GNPTAB: variants seen among roughly 807,000 people sequenced by gnomAD.
GNPTAB encodes N-acetylglucosamine-1-phosphotransferase subunits alpha/beta.
GNPTAB carries 92 observed loss-of-function variants against 136.6 expected under a neutral mutation model. That is an observed-to-expected ratio of 0.67 (90% CI 0.57 to 0.80). The LOEUF (loss-of-function observed/expected upper bound fraction) is 0.80, where lower values mean the gene tolerates loss of function less well. GNPTAB is among the 30% of genes least tolerant of loss of function. The pLI is 0.00. For synonymous variants in GNPTAB, 512 were observed against 535.1 expected, an observed-to-expected ratio of 0.96 and a Z score of 0.60; for missense variants, 1,343 against 1,501.8, an observed-to-expected ratio of 0.89 and a Z score of 1.75.
chr12:101,761,743 T>G lies in GNPTAB; in HGVS notation c.2736A>C (p.Thr912=). Residue 912 remains threonine, a synonymous_variant, in exon 14 of 21, where the codon ACA becomes ACC. Transcript: ENST00000299314. The part of the protein sequence containing the change: ...DLLDEEESLK[T]QLAYFTDSKN... The stretch of plus-strand genomic sequence containing the variant: ...TGCTATCAGTGAAGTATGCCAATTG[T>G]GTCTTCAATGACTCTTCTTCCTGAA... 1 of 1,612,878 alleles carries G rather than the reference T, an allele frequency of 6.2e-7. No homozygotes were observed. The highest frequency in any genetic ancestry group is 1.1e-5 in the South Asian group (1 of 91,062).
chr12:101,757,122 G>A (rs2137106423), intron 18 of GNPTAB, 90 bp downstream of exon 18: 1 of 759,092 alleles, frequency 1.3e-6, no homozygotes, highest in Admixed American at 2.1e-5. Flanking sequence ...CTTTTGGTCT[G>A]TTCCATACAG....
chr12:101,804,933 T>G (rs1869854102), intron 1 of GNPTAB, among the ~76,000 whole-genome samples: 1 of 152,218 alleles, frequency 6.6e-6, no homozygotes, highest in African/African-American at 2.4e-5. Flanking sequence ...AGTGAGCTGA[T>G]AAAATATTCT....
intron 1 of GNPTAB, among the ~76,000 whole-genome samples, chr12:101,817,694 C>T (rs1304518450): frequency 6.6e-6 from 1 of 152,068 alleles, no homozygotes; most frequent in Non-Finnish European, 1.5e-5. Context: ...GCCAAGGTGA[C>T]ACATGCCTAC....
At chr12:101,751,463 A>C (rs1300337317) in intron 19 of GNPTAB, among the ~76,000 whole-genome samples, 3 of 152,208 alleles carry the variant, frequency 2.0e-5, no homozygotes, top group African/African-American at 7.2e-5. Flanking sequence ...CCTGGCACAG[A>C]GAGGCAAGCA....
At chr12:101,754,400 C>T (rs1952869509) in intron 18 of GNPTAB, among the ~76,000 whole-genome samples, 1 of 151,528 alleles carries the variant, frequency 6.6e-6, no homozygotes, top group African/African-American at 2.4e-5. Flanking sequence ...CACTGCACTC[C>T]AGCCTGGGTG....
intron 1 of GNPTAB, among the ~76,000 whole-genome samples, chr12:101,829,761 G>A (rs1468617634): frequency 6.6e-6 from 1 of 151,922 alleles, no homozygotes; most frequent in Non-Finnish European, 1.5e-5. Context: ...CTAGAACCAA[G>A]AACTACTAAA....
Position 101,753,527 on chromosome 12 carries a change from GCAAA to G in GNPTAB, c.3443_3446del (p.Val1148AlafsTer2), listed in dbSNP as rs281865018. On this transcript the variant is annotated frameshift_variant, in exon 19 of 21. Transcript: ENST00000299314. LOFTEE classifies it high-confidence loss of function. ...GATTGTGGTCAATGTTGTCATTCAG[GCAAA>G]CAAACTTCCTGAAATAACAGAGAGC... The G allele has an allele frequency of 6.2e-6, 10 of 1,613,518 alleles. No individual in the cohort carries two copies. Among genetic ancestry groups the G allele is most frequent in the Non-Finnish European group, 7.6e-6 (9 of 1,179,544 alleles).
At chr12:101,776,336 CA>C (rs1953262131) in intron 7 of GNPTAB, among the ~76,000 whole-genome samples, 1 of 152,162 alleles carries the variant, frequency 6.6e-6, no homozygotes, top group Non-Finnish European at 1.5e-5. Flanking sequence ...TCTGATTTAT[CA>C]AAAGCTGAAT....
chr12:101,776,809 C>A (rs1416575654), intron 7 of GNPTAB, among the ~76,000 whole-genome samples: 1 of 152,170 alleles, frequency 6.6e-6, no homozygotes, highest in Non-Finnish European at 1.5e-5. Flanking sequence ...CCTGAGATAC[C>A]CGTGGCCTAG....
At chr12:101,788,107 T>C (rs566711483) in intron 4 of GNPTAB, among the ~76,000 whole-genome samples, 1 of 152,316 alleles carries the variant, frequency 6.6e-6, no homozygotes, top group African/African-American at 2.4e-5. Flanking sequence ...TATTTGGTTC[T>C]TGTTGTTGGG....
chr12:101,762,900 AT>A lies in GNPTAB; in HGVS notation c.2716-1138del, dbSNP rs1295758091. Among the ~76,000 whole-genome samples, 16 of 127,630 alleles carry A rather than the reference AT, an allele frequency of 1.3e-4. No homozygotes were observed. The East Asian group carries it at 3.4e-3, about 27-fold the overall frequency. 83.7% of individuals were successfully genotyped at this position (127,630 alleles called of 152,430 possible). A position where few individuals can be genotyped will look rare whatever the true frequency, so the allele number is the denominator to read the frequency against. ...CTACTAGCCTATAATGCTTTTGTAA[AT>A]TTAAAAAAAAAAAAAAAAAAAAAGG... On this transcript the variant is annotated intron_variant, in intron 13 of 20. Coordinates refer to ENST00000299314, the MANE Select transcript of GNPTAB (RefSeq NM_024312.5).
At chr12:101,795,524 G>A (rs537872682) in intron 2 of GNPTAB, among the ~76,000 whole-genome samples, 4 of 152,194 alleles carry the variant, frequency 2.6e-5, no homozygotes, top group South Asian at 2.1e-4. Context: ...AGGCCGAGGC[G>A]GGTGGATCAC....
chr12:101,814,514 T>C (rs1413960583), intron 1 of GNPTAB, among the ~76,000 whole-genome samples: 2 of 151,996 alleles, frequency 1.3e-5, no homozygotes, highest in African/African-American at 4.8e-5. Flanking sequence ...CTGGCCAACA[T>C]GGTGAAACCC....
intron 11 of GNPTAB, among the ~76,000 whole-genome samples, chr12:101,766,499 G>A (rs1953096485): frequency 1.3e-5 from 2 of 152,106 alleles, no homozygotes; most frequent in African/African-American, 2.4e-5. Context: ...TTAGCTGGGC[G>A]TGGTGGTGGG....
chr12:101,826,966 T>G (rs7979889), intron 1 of GNPTAB, among the ~76,000 whole-genome samples: 12,772 of 138,254 alleles, frequency 0.092, 550 homozygotes, highest in Middle Eastern at 0.17. Flanking sequence ...TTTTTTTTTT[T>G]TTTTTTTTTT....
chr12:101,761,039 TG>T, intron 15 of GNPTAB, 87 bp downstream of exon 15: 1 of 966,484 alleles, frequency 1.0e-6, no homozygotes, highest in Non-Finnish European at 1.6e-6. Flanking sequence ...CCCAAAGTGC[TG>T]GGATTACAGG....
At chr12:101,807,236 A>G (rs1431064456) in intron 1 of GNPTAB, among the ~76,000 whole-genome samples, 1 of 152,222 alleles carries the variant, frequency 6.6e-6, no homozygotes, top group African/African-American at 2.4e-5. Flanking sequence ...ACATTAATTT[A>G]TGATAAAAAT....
At chr12:101,795,957 G>GAA in intron 2 of GNPTAB, 4 of 339,432 alleles carry the variant, frequency 1.2e-5, no homozygotes, top group Non-Finnish European at 2.1e-5. Flanking sequence ...TTGTGAAGAG[G>GAA]AAAAAAAAAA....
At chr12:101,792,824 T>C (rs1869067565) in intron 2 of GNPTAB, among the ~76,000 whole-genome samples, 1 of 152,194 alleles carries the variant, frequency 6.6e-6, no homozygotes, top group South Asian at 2.1e-4. Context: ...CTTCATTAAT[T>C]ATTTCCTCTC....
Sources: gnomAD v4.1 joint callset for allele counts (sites outside exome capture counted in the v4.1 genomes callset) on GRCh38, gnomAD v4.1.1 for gene constraint, MANE v1.5 for transcripts, NCBI Gene and HGNC (gene_info 2026-07-23, HGNC 2026-07-21) for gene names.